The following LRBA variants were observed in gnomAD, a reference collection of about 807,000 sequenced individuals.
LRBA encodes lipopolysaccharide-responsive and beige-like anchor protein.
Under a neutral mutation model 330.0 loss-of-function variants are expected in LRBA, and 176 were observed. That is an observed-to-expected ratio of 0.53 (90% CI 0.47 to 0.60). The LOEUF (loss-of-function observed/expected upper bound fraction) is 0.60, where lower values mean the gene tolerates loss of function less well. Among genes scored for constraint, LRBA ranks in the 20% least tolerant of loss-of-function variants. The pLI is 0.00. For synonymous variants in LRBA, 1,230 were observed against 1,193.0 expected (o/e 1.03, Z -0.64); for missense variants, 3,259 against 3,444.8 (o/e 0.95, Z 1.35).
At position 150,590,776 on chromosome 4, in the gene LRBA, G is replaced by A; in HGVS notation, c.6130C>T (p.Leu2044Phe). The A allele has an allele frequency of 6.2e-7, 1 of 1,613,942 alleles. No homozygotes were observed. Among genetic ancestry groups the A allele is most frequent in the Non-Finnish European group, 8.5e-7 (1 of 1,179,874 alleles). The change falls in exon 39 of 57, where the codon CTC (leucine) becomes TTC (phenylalanine). Residue 2044 changes from leucine (L) to phenylalanine (F), a missense_variant. Leu to Phe is a conservative substitution (Grantham distance 22, BLOSUM62 0). Coordinates refer to ENST00000651943, the MANE Select transcript of LRBA (RefSeq NM_001364905.1). ...AGAGTATCATCATCGCCTTCCAGGAGGATCTCGTTTTCTGAGTTCTGATTT... is the reference window on the plus strand; with the variant it reads ...AGAGTATCATCATCGCCTTCCAGGAAGATCTCGTTTTCTGAGTTCTGATTT... ...LGNQNSENEI[L>F]LEGDDDTLSS...
intron 34 of LRBA, among the ~76,000 whole-genome samples, chr4:150,776,682 G>A (rs1056179459): frequency 2.6e-5 from 4 of 151,848 alleles, no homozygotes; most frequent in South Asian, 4.2e-4. Flanking sequence ...GCATGGTGGC[G>A]GGCACCCATA....
intron 36 of LRBA, among the ~76,000 whole-genome samples, chr4:150,734,227 AT>A (rs1306841262): frequency 3.3e-5 from 5 of 151,494 alleles, no homozygotes; most frequent in Admixed American, 6.6e-5. Flanking sequence ...TGTTTTTTCT[AT>A]TTTTAATTTG....
At position 150,865,727 on chromosome 4, in the gene LRBA, T is replaced by C. The variant is rs1370669453; in HGVS notation, c.2766+1944A>G. ...AAAGGGCAATATATTCTTTTTTTTT[T>C]TTTTTTTTAGATGGAGTCTCACTGT... On this transcript the variant is annotated intron_variant, in intron 22 of 56. Coordinates refer to ENST00000651943, the MANE Select transcript of LRBA (RefSeq NM_001364905.1). Among the ~76,000 whole-genome samples, 4 of 151,528 alleles carry C rather than the reference T, an allele frequency of 2.6e-5. No homozygotes were observed. In the East Asian group the frequency reaches 7.7e-4, roughly 29 times the overall value.
At chr4:150,676,928 G>C (rs1286590132) in intron 37 of LRBA, among the ~76,000 whole-genome samples, 1 of 152,042 alleles carries the variant, frequency 6.6e-6, no homozygotes. Flanking sequence ...ATTATCTATA[G>C]TACATCTCTT....
chr4:150,824,017 T>C (rs1483286947), intron 30 of LRBA, among the ~76,000 whole-genome samples: 2 of 152,190 alleles, frequency 1.3e-5, no homozygotes, highest in Non-Finnish European at 2.9e-5. Flanking sequence ...TAGATTGCTT[T>C]GGGTAGCATG....
chr4:150,844,041 G>A, intron 28 of LRBA, 59 bp downstream of exon 28: 1 of 1,015,822 alleles, frequency 9.8e-7, no homozygotes, highest in South Asian at 1.7e-5. Context: ...CAATACATTA[G>A]GCCTAAGAGG....
chr4:150,742,196 A>G (rs768427374), intron 35 of LRBA, among the ~76,000 whole-genome samples: 1 of 143,944 alleles, frequency 6.9e-6, no homozygotes, highest in Non-Finnish European at 1.5e-5. Flanking sequence ...CCCAGGCTGG[A>G]GTGCAGTGGT....
At chr4:150,946,917 CAAAA>C (rs34474606) in intron 2 of LRBA, among the ~76,000 whole-genome samples, 1 of 117,682 alleles carries the variant, frequency 8.5e-6, no homozygotes, top group African/African-American at 3.2e-5. Flanking sequence ...TTAGAGGCAG[CAAAA>C]AAAAAAAAAA....
intron 34 of LRBA, among the ~76,000 whole-genome samples, chr4:150,779,654 T>G (rs1221850687): frequency 1.3e-5 from 2 of 152,120 alleles, no homozygotes; most frequent in African/African-American, 2.4e-5. Context: ...TTATTAAGTT[T>G]TGCAATAAAA....
chr4:150,750,722 A>C (rs963091495), intron 35 of LRBA, among the ~76,000 whole-genome samples: 2 of 151,998 alleles, frequency 1.3e-5, no homozygotes, highest in Non-Finnish European at 2.9e-5. Context: ...AGTGAACTAC[A>C]ATGCCCAGGT....
chr4:150,317,615 T>C (rs1561004945), intron 50 of LRBA, among the ~76,000 whole-genome samples: 1 of 152,174 alleles, frequency 6.6e-6, no homozygotes, highest in Non-Finnish European at 1.5e-5. Flanking sequence ...GTCTACCCAA[T>C]AGTGCCACTT....
intron 47 of LRBA, among the ~76,000 whole-genome samples, chr4:150,414,914 G>A (rs1747517237): frequency 6.6e-6 from 1 of 152,148 alleles, no homozygotes; most frequent in Non-Finnish European, 1.5e-5. Flanking sequence ...GATAATGAAG[G>A]ACACTAAAGA....
chr4:150,725,883 TTG>T, intron 36 of LRBA, among the ~76,000 whole-genome samples: 1 of 152,340 alleles, frequency 6.6e-6, no homozygotes, highest in South Asian at 2.1e-4. Context: ...TTTTGTGTGT[TTG>T]TTTCTTTATG....
At chr4:150,534,906 T>TAAAA in intron 40 of LRBA, among the ~76,000 whole-genome samples, 1 of 152,342 alleles carries the variant, frequency 6.6e-6, no homozygotes, top group Middle Eastern at 3.4e-3. Flanking sequence ...GACAGAGGTT[T>TAAAA]TGTTTCAGTG....
chr4:150,981,910 C>A (rs1178386051), intron 2 of LRBA, among the ~76,000 whole-genome samples: 1 of 148,878 alleles, frequency 6.7e-6, no homozygotes, highest in African/African-American at 2.5e-5. Context: ...TTGCAGGGAG[C>A]TGAGATCATG....
intron 50 of LRBA, among the ~76,000 whole-genome samples, chr4:150,320,780 CT>C (rs1281259778): frequency 6.6e-6 from 1 of 152,016 alleles, no homozygotes; most frequent in Non-Finnish European, 1.5e-5. Context: ...GCACTCCAGC[CT>C]GAGTGACAGA....
At chr4:150,596,573 C>G (rs948281216) in intron 38 of LRBA, among the ~76,000 whole-genome samples, 1 of 151,910 alleles carries the variant, frequency 6.6e-6, no homozygotes, top group South Asian at 2.1e-4. Flanking sequence ...CATTTAAATT[C>G]AACATTGAAG....
At chr4:150,683,077 A>G (rs1172490146) in intron 37 of LRBA, among the ~76,000 whole-genome samples, 3 of 152,162 alleles carry the variant, frequency 2.0e-5, no homozygotes, top group Non-Finnish European at 4.4e-5. Flanking sequence ...AATTTGCAAC[A>G]TAAGAAAAAA....
chr4:150,898,200 C>G (rs867625369), intron 14 of LRBA, among the ~76,000 whole-genome samples: 5 of 152,062 alleles, frequency 3.3e-5, no homozygotes, highest in Non-Finnish European at 4.4e-5. Context: ...AAAGGAAAAT[C>G]TAAACTTTCA....
Sources: allele counts gnomAD v4.1 joint callset (sites outside exome capture counted in the v4.1 genomes callset), GRCh38; gene constraint gnomAD v4.1.1; transcripts MANE v1.5; gene names NCBI Gene and HGNC (gene_info 2026-07-23, HGNC 2026-07-21).